GNB4: variants seen among roughly 807,000 people sequenced by gnomAD.
The protein encoded by GNB4 is guanine nucleotide-binding protein subunit beta-4.
Under a neutral mutation model 45.2 loss-of-function variants are expected in GNB4, and 28 were observed. The observed-to-expected ratio is 0.62, with a 90% CI of 0.46 to 0.85. The LOEUF is 0.85. Among genes scored for constraint, GNB4 ranks in the 40% least tolerant of loss-of-function variants. GNB4 has a pLI of 0.00. For synonymous variants in GNB4, 132 were observed against 143.7 expected (o/e 0.92, Z 0.58); for missense variants, 321 against 425.4 (o/e 0.75, Z 2.16).
At chr3:179,416,249 G>A (rs1462304371) in intron 5 of GNB4, among the ~76,000 whole-genome samples, 1 of 151,988 alleles carries the variant, frequency 6.6e-6, no homozygotes, top group East Asian at 1.9e-4. Context: ...ATGTAAAATG[G>A]TACTCTTCTA....
At chr3:179,506,045 T>C in the GNB4 span, among the ~76,000 whole-genome samples, 2 of 152,186 alleles carry the variant, frequency 1.3e-5, no homozygotes. Flanking sequence ...AATAGCAGTA[T>C]AGAAATATCA....
chr3:179,422,402 GGATC>G (rs1715008398), intron 2 of GNB4, among the ~76,000 whole-genome samples: 1 of 151,856 alleles, frequency 6.6e-6, no homozygotes, highest in Non-Finnish European at 1.5e-5. Context: ...CGAGGAGGAA[GGATC>G]GCTCGAGCCC....
the GNB4 span, among the ~76,000 whole-genome samples, chr3:179,509,950 A>G: frequency 6.6e-6 from 1 of 152,014 alleles, no homozygotes. Flanking sequence ...CAGCCTCCCA[A>G]GTAGCTTGGA....
At chr3:179,401,345 T>G in intron 9 of GNB4, 26 bp from the exon 10 acceptor site, 2 of 1,553,952 alleles carry the variant, frequency 1.3e-6, no homozygotes, top group Non-Finnish European at 1.8e-6. Context: ...AGTAAAAAAT[T>G]GGCAATTGTA....
intron 1 of GNB4, among the ~76,000 whole-genome samples, chr3:179,447,469 C>T (rs953640181): frequency 6.6e-6 from 1 of 152,028 alleles, no homozygotes; most frequent in South Asian, 2.1e-4. Flanking sequence ...CCGCCTCAGA[C>T]TCCCATGTAG....
At chr3:179,429,216 GCTT>G (rs1297905501) in intron 1 of GNB4, among the ~76,000 whole-genome samples, 3 of 152,200 alleles carry the variant, frequency 2.0e-5, no homozygotes, top group African/African-American at 7.2e-5. Context: ...GAGCAGAATG[GCTT>G]CTATTTACTG....
chr3:179,510,576 C>G, the GNB4 span, among the ~76,000 whole-genome samples: 1 of 151,744 alleles, frequency 6.6e-6, no homozygotes, highest in Admixed American at 6.6e-5. Context: ...AAGATGCCTC[C>G]CCAGAATGGG....
the GNB4 span, among the ~76,000 whole-genome samples, chr3:179,484,827 G>A: frequency 9.6e-6 from 1 of 104,462 alleles, no homozygotes; most frequent in East Asian, 3.7e-4. Flanking sequence ...AATATATATA[G>A]CTATATATAT....
intron 7 of GNB4, 21 bp downstream of exon 7, chr3:179,413,694 G>A: frequency 6.2e-7 from 1 of 1,612,156 alleles, no homozygotes; most frequent in South Asian, 1.1e-5. Context: ...CATAATCAGT[G>A]TGCTTCTGGA....
At chr3:179,419,597 C>T in intron 3 of GNB4, 92 bp from the exon 4 acceptor site, 3 of 790,406 alleles carry the variant, frequency 3.8e-6, no homozygotes, top group South Asian at 1.4e-5. Flanking sequence ...AAAAAGCAAA[C>T]ATAAAGTACA....
chr3:179,429,447 T>G (rs1577035340), intron 1 of GNB4, among the ~76,000 whole-genome samples: 1 of 152,232 alleles, frequency 6.6e-6, no homozygotes, highest in East Asian at 1.9e-4. Flanking sequence ...ACTCATTTAT[T>G]CGCTTGTAAG....
chr3:179,456,360 T>C (rs1379845421), upstream of GNB4, among the ~76,000 whole-genome samples: 2 of 152,148 alleles, frequency 1.3e-5, no homozygotes, highest in East Asian at 3.9e-4. Flanking sequence ...TGCAGCTAAC[T>C]TCAGAAATAT....
At chr3:179,402,562 C>T (rs1288775584) in intron 9 of GNB4, among the ~76,000 whole-genome samples, 1 of 152,048 alleles carries the variant, frequency 6.6e-6, no homozygotes, top group Non-Finnish European at 1.5e-5. Context: ...AACTGCATAG[C>T]GGGGGTTAAA....
the GNB4 span, among the ~76,000 whole-genome samples, chr3:179,505,423 G>A: frequency 6.6e-6 from 1 of 152,176 alleles, no homozygotes; most frequent in South Asian, 2.1e-4. Context: ...AATATCCAGA[G>A]TCAGAGAAGG....
chr3:179,488,780 C>T, the GNB4 span, among the ~76,000 whole-genome samples: 26 of 150,982 alleles, frequency 1.7e-4, no homozygotes, highest in Non-Finnish European at 7.4e-5. Context: ...CTCAGGAGTT[C>T]GAGACCAGCC....
Position 179,405,657 on chromosome 3 carries a change from T to C in GNB4, c.700-251A>G, listed in dbSNP as rs1013068451. The C allele has an allele frequency of 1.2e-4, 47 of 389,840 alleles. No individual in the cohort carries two copies. In the Middle Eastern group the frequency reaches 4.1e-3, roughly 34 times the overall value. The allele number at this position is 389,840 out of a possible 1,614,324, so 24.1% of individuals were successfully genotyped here. ...AACACAGCAAGTATTCAACAAATAC[T>C]GGCTCTGGTTCTCCATATGTCATGT... On this transcript the variant is annotated intron_variant, in intron 8 of 9. Coordinates refer to ENST00000232564, the MANE Select transcript of GNB4 (RefSeq NM_021629.4).
chr3:179,440,045 T>C (rs1249129181), intron 1 of GNB4, among the ~76,000 whole-genome samples: 1 of 152,246 alleles, frequency 6.6e-6, no homozygotes, highest in East Asian at 1.9e-4. Context: ...AAGAATGGCT[T>C]CAGAAAGGGC....
At chr3:179,458,924 A>C in the GNB4 span, among the ~76,000 whole-genome samples, 1 of 152,162 alleles carries the variant, frequency 6.6e-6, no homozygotes, top group African/African-American at 2.4e-5. Context: ...CTTTTAAACA[A>C]ATTTCCTACT....
the GNB4 span, among the ~76,000 whole-genome samples, chr3:179,502,062 A>C: frequency 3.3e-5 from 5 of 152,140 alleles, no homozygotes; most frequent in Admixed American, 3.3e-4. Context: ...GAATGATCTT[A>C]AGCCTAAGTT....
Sources: gnomAD v4.1 joint callset for allele counts (sites outside exome capture counted in the v4.1 genomes callset) on GRCh38, gnomAD v4.1.1 for gene constraint, MANE v1.5 for transcripts, NCBI Gene and HGNC (gene_info 2026-07-23, HGNC 2026-07-21) for gene names.